Variants in TEK observed in about 807,000 individuals in gnomAD.
TEK encodes the protein angiopoietin-1 receptor.
In TEK, 43 loss-of-function variants were observed where a neutral mutation model predicts 131.8. The ratio of observed to expected loss-of-function variants is 0.33; its 90% CI spans 0.26 to 0.42. The LOEUF (loss-of-function observed/expected upper bound fraction) is 0.42, where lower values mean the gene tolerates loss of function less well. Among genes scored for constraint, TEK ranks in the 10% least tolerant of loss-of-function variants. The probability of loss-of-function intolerance (pLI) is 1.00; values close to 1 mark genes in which losing one functional copy is unlikely to be tolerated. For missense variants in TEK, 1,162 were observed against 1,384.4 expected (o/e 0.84, Z 2.55); for synonymous variants, 580 against 491.6 (o/e 1.18, Z -2.38).
At chr9:27,136,951 C>G (rs1025017923) in intron 1 of TEK, among the ~76,000 whole-genome samples, 1 of 152,118 alleles carries the variant, frequency 6.6e-6, no homozygotes, top group Non-Finnish European at 1.5e-5. Flanking sequence ...GAGTCTCGCT[C>G]TGTCACCAGG....
At chr9:27,190,773 C>G (rs1824788951) in intron 10 of TEK, 83 bp downstream of exon 10, 2 of 1,560,312 alleles carry the variant, frequency 1.3e-6, no homozygotes, top group East Asian at 4.5e-5. Flanking sequence ...ATTCCCTTCT[C>G]CCTGCCTCAA....
rs558356427 is a variant in TEK at position 27,196,611 on chromosome 9, C to G, written c.1625-704C>G. 3.3e-5 allele frequency among the ~76,000 whole-genome samples: 5 copies of G among 152,138 alleles called. No homozygotes were observed. In the South Asian group the frequency reaches 1.0e-3, roughly 32 times the overall value. On this transcript the variant is annotated intron_variant, in intron 11 of 22. Coordinates refer to ENST00000380036, the MANE Select transcript of TEK (RefSeq NM_000459.5). ...CAAGCCAAACAGTAAAAACAGTAACCATTGGCTCATGGTTCTGCATGCCGT... is the reference window on the plus strand; with the variant it reads ...CAAGCCAAACAGTAAAAACAGTAACGATTGGCTCATGGTTCTGCATGCCGT...
At chr9:27,144,542 A>G (rs1291163079) in intron 1 of TEK, among the ~76,000 whole-genome samples, 2 of 152,216 alleles carry the variant, frequency 1.3e-5, no homozygotes, top group African/African-American at 4.8e-5. Context: ...AAAAACAGAC[A>G]TAAAATCCAG....
At chr9:27,117,562 G>A (rs1277803311) in intron 1 of TEK, among the ~76,000 whole-genome samples, 1 of 152,114 alleles carries the variant, frequency 6.6e-6, no homozygotes, top group Non-Finnish European at 1.5e-5. Flanking sequence ...TGCAGGAGCA[G>A]GTGTGAAGAC....
intron 18 of TEK, among the ~76,000 whole-genome samples, chr9:27,217,066 C>T (rs568939887): frequency 4.6e-5 from 7 of 152,276 alleles, no homozygotes; most frequent in Non-Finnish European, 8.8e-5. Flanking sequence ...AGCCTGGAGG[C>T]AGTCAGGACC....
At chr9:27,190,271 T>C (rs955601070) in intron 9 of TEK, among the ~76,000 whole-genome samples, 4 of 152,088 alleles carry the variant, frequency 2.6e-5, no homozygotes, top group African/African-American at 9.7e-5. Context: ...TTTGGTTTTA[T>C]CCTACATGTG....
chr9:27,144,246 C>T lies in TEK; in HGVS notation c.53-13585C>T, dbSNP rs145997158. Among the ~76,000 whole-genome samples the T allele has an allele frequency of 9.1e-3, 1,376 of 152,020 alleles. 18 individuals are homozygous for T. The highest frequency in any genetic ancestry group is 0.031 in the African/African-American group (1,305 of 41,446). ...GCAGTGAGCCGAGATCACGCCACTG[C>T]ATTCCAGCCTGGAGACAGAGCAAGA... On this transcript the variant is annotated intron_variant, in intron 1 of 22. Transcript: ENST00000380036.
At chr9:27,128,176 G>A (rs865960160) in intron 1 of TEK, among the ~76,000 whole-genome samples, 21 of 152,168 alleles carry the variant, frequency 1.4e-4, no homozygotes, top group African/African-American at 3.6e-4. Context: ...AAGGGATCCA[G>A]TTTCAGCTTT....
Position 27,173,344 on chromosome 9 carries a change from G to C in TEK, c.883G>C (p.Gly295Arg). 6.2e-7 allele frequency: 1 copy of C among 1,613,888 alleles called. No homozygotes were observed. The highest frequency in any genetic ancestry group is 8.5e-7 in the Non-Finnish European group (1 of 1,179,888). Residue 295 changes from glycine to arginine, a missense_variant, in exon 6 of 23, where the codon GGT becomes CGT. Coordinates refer to ENST00000380036, the MANE Select transcript of TEK (RefSeq NM_000459.5). ...YGCSCATGWK[G>R]LQCNEACHPG... The stretch of plus-strand genomic sequence containing the variant: ...GTGTTCCTGTGCCACAGGCTGGAAG[G>C]GTCTGCAGTGCAATGAAGGTATGCA...
intron 9 of TEK, among the ~76,000 whole-genome samples, chr9:27,189,753 A>G (rs543747299): frequency 4.5e-4 from 68 of 152,284 alleles, no homozygotes; most frequent in African/African-American, 1.6e-3. Context: ...GCCTCCAGAA[A>G]GGAACACAGC....
chr9:27,228,452 C>T (rs538795806), intron 22 of TEK, 147 bp downstream of exon 22: 9 of 673,086 alleles, frequency 1.3e-5, no homozygotes, highest in African/African-American at 7.2e-5. Flanking sequence ...TCCACCCCCG[C>T]GACTTTGAAG....
chr9:27,183,646 T>C, intron 8 of TEK, 36 bp downstream of exon 8: 1 of 1,611,544 alleles, frequency 6.2e-7, no homozygotes, highest in Non-Finnish European at 8.5e-7. Context: ...TCTTAAAGCA[T>C]GAGATGCTTC....
chr9:27,178,146 T>C (rs1017268358), intron 6 of TEK, among the ~76,000 whole-genome samples: 2 of 152,120 alleles, frequency 1.3e-5, no homozygotes, highest in African/African-American at 4.8e-5. Context: ...TTGAATATAA[T>C]GAGATGAGGT....
At chr9:27,127,248 G>T (rs762804057) in intron 1 of TEK, among the ~76,000 whole-genome samples, 1 of 152,170 alleles carries the variant, frequency 6.6e-6, no homozygotes, top group Non-Finnish European at 1.5e-5. Context: ...CTGTTCTTGT[G>T]TTAGTTTGCT....
At chr9:27,224,422 T>G (rs528069544) in intron 21 of TEK, among the ~76,000 whole-genome samples, 6 of 152,154 alleles carry the variant, frequency 3.9e-5, no homozygotes, top group South Asian at 2.1e-4. Flanking sequence ...TGATCAAGTC[T>G]GCTTCATCCT....
intron 6 of TEK, among the ~76,000 whole-genome samples, chr9:27,174,379 A>G (rs1041835946): frequency 1.8e-4 from 27 of 152,362 alleles, no homozygotes; most frequent in African/African-American, 6.5e-4. Context: ...ATCCACATAT[A>G]GAATTTAAAA....
intron 1 of TEK, among the ~76,000 whole-genome samples, chr9:27,124,334 C>A (rs946536311): frequency 6.6e-6 from 1 of 152,242 alleles, no homozygotes; most frequent in African/African-American, 2.4e-5. Context: ...GCAGCTGGGG[C>A]AGCTCTGCTC....
At chr9:27,181,577 C>T (rs1180010418) in intron 7 of TEK, among the ~76,000 whole-genome samples, 1 of 152,156 alleles carries the variant, frequency 6.6e-6, no homozygotes, top group Non-Finnish European at 1.5e-5. Flanking sequence ...ATCAGTACTT[C>T]ATTCCTTTTT....
intron 12 of TEK, among the ~76,000 whole-genome samples, chr9:27,201,167 G>T (rs1307555779): frequency 6.6e-6 from 1 of 152,160 alleles, no homozygotes; most frequent in African/African-American, 2.4e-5. Context: ...GTAGATTGCT[G>T]GGTCCAGACC....
Sources: gnomAD v4.1 joint callset for allele counts (sites outside exome capture counted in the v4.1 genomes callset) on GRCh38, gnomAD v4.1.1 for gene constraint, MANE v1.5 for transcripts, NCBI Gene and HGNC (gene_info 2026-07-23, HGNC 2026-07-21) for gene names.